The following MYO3B variants were observed in gnomAD, a reference collection of about 807,000 sequenced individuals.
The protein encoded by MYO3B is myosin-IIIb.
In MYO3B, 156 loss-of-function variants were observed where a neutral mutation model predicts 174.6. The observed-to-expected ratio is 0.89, with a 90% CI of 0.78 to 1.02. MYO3B has a LOEUF of 1.02. Ranked by LOEUF, MYO3B falls within the 50% of genes least tolerant of loss-of-function variation. MYO3B has a pLI of 0.00. For missense variants in MYO3B, 1,632 were observed against 1,639.4 expected, an observed-to-expected ratio of 1.00 and a Z score of 0.08; for synonymous variants, 563 against 569.1, an observed-to-expected ratio of 0.99 and a Z score of 0.15.
Position 170,524,591 on chromosome 2 carries a change from C to T in MYO3B, c.3575+5051C>T, listed in dbSNP as rs147232029. The T allele has an allele frequency of 3.0e-3, 1,201 of 405,080 alleles. 15 individuals carry two copies. Among genetic ancestry groups the T allele is most frequent in the African/African-American group, 0.023 (1,111 of 47,728 alleles). 25.1% of individuals were successfully genotyped at this position (405,080 alleles called of 1,614,324 possible). ...CTCCGCCCTCTGGGTTCAAGTGATT[C>T]TCCTGCCTCAGCCTCCCGAGTAGCT... On this transcript the variant is annotated intron_variant, in intron 30 of 34. Transcript: ENST00000408978.
chr2:170,204,354 A>C (rs1430864492), intron 3 of MYO3B, among the ~76,000 whole-genome samples: 1 of 152,230 alleles, frequency 6.6e-6, no homozygotes, highest in East Asian at 1.9e-4. Flanking sequence ...GGCACCAAAA[A>C]GAAATTCCTC....
chr2:170,382,009 T>C lies in MYO3B; in HGVS notation c.972-7T>C. 6.2e-7 allele frequency: 1 copy of C among 1,610,024 alleles called. No individual in the cohort carries two copies. Among genetic ancestry groups the C allele is most frequent in the Non-Finnish European group, 8.5e-7 (1 of 1,176,836 alleles). On this transcript the variant is annotated splice_polypyrimidine_tract_variant and splice_region_variant and intron_variant, in intron 9 of 34. Coordinates refer to ENST00000408978, the MANE Select transcript of MYO3B (RefSeq NM_138995.5). The stretch of plus-strand genomic sequence containing the variant: ...TTAATGCTTAAACTCTCTTGATAAA[T>C]TTCTAGGCATGAGAGGATGCATACC...
intron 7 of MYO3B, among the ~76,000 whole-genome samples, chr2:170,312,699 G>A (rs2093748174): frequency 1.3e-5 from 2 of 152,222 alleles, no homozygotes; most frequent in African/African-American, 4.8e-5. Flanking sequence ...TGATTATTTT[G>A]CTTGGTAGCT....
chr2:170,233,990 T>C (rs1460739161), intron 6 of MYO3B, among the ~76,000 whole-genome samples: 4 of 151,172 alleles, frequency 2.6e-5, no homozygotes, highest in Admixed American at 1.3e-4. Context: ...GCTATAACGG[T>C]GAAACCCCGT....
rs537838428 is a variant in MYO3B at position 170,388,576 on chromosome 2, A to G, written c.1577+1268A>G. 1.6e-3 allele frequency among the ~76,000 whole-genome samples: 248 copies of G among 152,308 alleles called. 1 individual carries two copies. Among genetic ancestry groups the G allele is most frequent in the Non-Finnish European group, 3.2e-3 (215 of 68,026 alleles). ...AATAGGAAGCCACTGAACGTTTTCA[A>G]GCAGGGGAGTCACCATACCCAACTT... On this transcript the variant is annotated intron_variant, in intron 14 of 34. Coordinates refer to ENST00000408978, the MANE Select transcript of MYO3B (RefSeq NM_138995.5).
intron 7 of MYO3B, among the ~76,000 whole-genome samples, chr2:170,320,178 T>A (rs1047385302): frequency 3.9e-5 from 6 of 152,130 alleles, no homozygotes; most frequent in Non-Finnish European, 5.9e-5. Flanking sequence ...TAGCTGGGAC[T>A]ACAAGCATGC....
chr2:170,547,845 G>A (rs1690632612), intron 32 of MYO3B, among the ~76,000 whole-genome samples: 1 of 152,168 alleles, frequency 6.6e-6, no homozygotes, highest in Non-Finnish European at 1.5e-5. Context: ...AGGGTGAAGA[G>A]TTACGGGGAG....
intron 30 of MYO3B, among the ~76,000 whole-genome samples, chr2:170,541,755 C>A (rs1010928081): frequency 1.3e-5 from 2 of 152,054 alleles, no homozygotes; most frequent in East Asian, 1.9e-4. Flanking sequence ...TTACACAGAG[C>A]GTGAAATAGA....
In MYO3B at chr2:170,500,936, A is replaced by G. The variant is rs186094567; in HGVS notation, c.3290-849A>G. On this transcript the variant is annotated intron_variant, in intron 27 of 34. Transcript: ENST00000408978. ...ACACACAACATTTAAGTTCCTGTGC[A>G]ATAGACAAATGATTATGAAAGCACC... Among the ~76,000 whole-genome samples, 9 of 152,296 alleles carry G rather than the reference A, an allele frequency of 5.9e-5. No homozygotes were observed. The East Asian group carries it at 1.7e-3, about 29-fold the overall frequency.
rs371206681 is a variant in MYO3B, at chr2:170,253,908, T to G, written c.749+17772T>G. 1.3e-5 allele frequency among the ~76,000 whole-genome samples: 2 copies of G among 151,774 alleles called. 1 individual carries two copies. The highest frequency in any genetic ancestry group is 4.2e-4 in the South Asian group (2 of 4,778). On this transcript the variant is annotated intron_variant, in intron 7 of 34. Transcript: ENST00000408978. ...GGGGACGGGGGGCGGGGGCGGGCAG[T>G]GATAAGACGGCTGATTAGATGTAGC... is the stretch of plus-strand genomic sequence containing the variant.
At chr2:170,549,569 A>T (rs1270871757) in intron 32 of MYO3B, among the ~76,000 whole-genome samples, 1 of 152,170 alleles carries the variant, frequency 6.6e-6, no homozygotes, top group Non-Finnish European at 1.5e-5. Flanking sequence ...TATAAATTTT[A>T]TAGTTTTTGG....
chr2:170,547,072 C>T (rs1690543385), intron 32 of MYO3B, among the ~76,000 whole-genome samples: 1 of 151,680 alleles, frequency 6.6e-6, no homozygotes, highest in Non-Finnish European at 1.5e-5. Context: ...GTAATCCCAG[C>T]ACTTTGGGAG....
At chr2:170,484,333 G>A (rs1163424348) in intron 25 of MYO3B, among the ~76,000 whole-genome samples, 1 of 152,152 alleles carries the variant, frequency 6.6e-6, no homozygotes, top group Non-Finnish European at 1.5e-5. Flanking sequence ...ATAAATTGAG[G>A]TGGTTGAACA....
At chr2:170,649,891 A>C (rs926290509) in intron 32 of MYO3B, 6 of 151,334 alleles carry the variant, frequency 4.0e-5, no homozygotes, top group African/African-American at 1.5e-4. Context: ...TATTGGAACA[A>C]GAAGTAAGAA....
intron 32 of MYO3B, among the ~76,000 whole-genome samples, chr2:170,599,743 G>A (rs570601439): frequency 2.7e-4 from 41 of 152,232 alleles, no homozygotes; most frequent in African/African-American, 6.7e-4. Flanking sequence ...GTGAAACTCC[G>A]TCTCAGAAAA....
chr2:170,642,446 T>G (rs1327885499), intron 32 of MYO3B, among the ~76,000 whole-genome samples: 2 of 152,170 alleles, frequency 1.3e-5, no homozygotes, highest in Non-Finnish European at 2.9e-5. Context: ...TTTGTAGCTT[T>G]CCTTTCATCT....
intron 1 of MYO3B, among the ~76,000 whole-genome samples, chr2:170,188,809 A>G (rs2092503456): frequency 1.3e-5 from 2 of 152,120 alleles, no homozygotes; most frequent in Non-Finnish European, 2.9e-5. Context: ...TGTACTGTCT[A>G]TGTCTTGAAA....
At chr2:170,260,708 T>G (rs1022482612) in intron 7 of MYO3B, among the ~76,000 whole-genome samples, 2 of 152,184 alleles carry the variant, frequency 1.3e-5, no homozygotes, top group African/African-American at 2.4e-5. Flanking sequence ...ACATGAAAGT[T>G]GACATTTTCT....
intron 22 of MYO3B, among the ~76,000 whole-genome samples, chr2:170,432,866 T>C (rs536164362): frequency 3.2e-4 from 49 of 152,242 alleles, no homozygotes; most frequent in Non-Finnish European, 3.1e-4. Flanking sequence ...TGAGCCACCA[T>C]GCCCGGCCAA....
Sources: gnomAD v4.1 joint callset for allele counts (sites outside exome capture counted in the v4.1 genomes callset) on GRCh38, gnomAD v4.1.1 for gene constraint, MANE v1.5 for transcripts, NCBI Gene and HGNC (gene_info 2026-07-23, HGNC 2026-07-21) for gene names.